Variants in IMPG1 observed in about 807,000 individuals in gnomAD.
IMPG1 encodes the protein interphotoreceptor matrix proteoglycan 1, also known as interphotoreceptor matrix proteoglycan of 150 kDa.
IMPG1 carries 85 observed loss-of-function variants against 92.0 expected under a neutral mutation model. The ratio of observed to expected loss-of-function variants is 0.92; its 90% confidence interval spans 0.78 to 1.11. The LOEUF (loss-of-function observed/expected upper bound fraction) is 1.11. IMPG1 is among the 50% of genes least tolerant of loss of function. The pLI is 0.00. For missense variants in IMPG1, 1,022 were observed against 956.0 expected (o/e 1.07, Z -0.91); for synonymous variants, 367 against 334.1 (o/e 1.10, Z -1.08).
intron 15 of IMPG1, among the ~76,000 whole-genome samples, chr6:75,929,180 C>A (rs1468921852): frequency 1.3e-5 from 2 of 151,630 alleles, no homozygotes; most frequent in African/African-American, 2.4e-5. Context: ...TGACAAATTT[C>A]TTTTGAAAAA....
intron 12 of IMPG1, among the ~76,000 whole-genome samples, chr6:75,978,581 C>A (rs919657560): frequency 1.6e-4 from 24 of 152,108 alleles, no homozygotes; most frequent in Non-Finnish European, 5.9e-5. Flanking sequence ...CTTAACATAC[C>A]CCTTTTATTT....
At chr6:75,992,441 C>T (rs1483728916) in intron 12 of IMPG1, among the ~76,000 whole-genome samples, 1 of 152,210 alleles carries the variant, frequency 6.6e-6, no homozygotes, top group East Asian at 1.9e-4. Flanking sequence ...GTGATCCAGA[C>T]TCTTTGACCT....
chr6:75,993,470 GAGAA>G (rs1782847750), intron 12 of IMPG1, among the ~76,000 whole-genome samples: 1 of 151,918 alleles, frequency 6.6e-6, no homozygotes, highest in Non-Finnish European at 1.5e-5. Context: ...AAAGGAGAGA[GAGAA>G]AGAGAGAGAG....
At chr6:76,041,295 A>G (rs932052991) in intron 2 of IMPG1, among the ~76,000 whole-genome samples, 2 of 152,104 alleles carry the variant, frequency 1.3e-5, no homozygotes, top group African/African-American at 2.4e-5. Context: ...TAAAAAGTGG[A>G]CTGTGACTCT....
At chr6:76,063,845 C>A (rs1349583333) in intron 1 of IMPG1, among the ~76,000 whole-genome samples, 1 of 152,186 alleles carries the variant, frequency 6.6e-6, no homozygotes, top group Non-Finnish European at 1.5e-5. Flanking sequence ...GTGCAGTGCA[C>A]CAAGGGAGCA....
chr6:76,067,807 G>T (rs1575855), intron 1 of IMPG1, among the ~76,000 whole-genome samples: 43,097 of 151,892 alleles, frequency 0.28, 6,301 homozygotes, highest in Middle Eastern at 0.33. Flanking sequence ...GTAACAAATC[G>T]AATCCAACAG....
chr6:76,064,691 G>C (rs530156731), intron 1 of IMPG1, among the ~76,000 whole-genome samples: 1 of 152,160 alleles, frequency 6.6e-6, no homozygotes, highest in African/African-American at 2.4e-5. Flanking sequence ...TCAGGCCACT[G>C]TGCATTCCAT....
chr6:75,969,946 T>C (rs1782377315), intron 12 of IMPG1, among the ~76,000 whole-genome samples: 1 of 152,210 alleles, frequency 6.6e-6, no homozygotes, highest in Admixed American at 6.5e-5. Flanking sequence ...ATTTAATTCC[T>C]AAGCCCTGGG....
chr6:76,037,388 G>C (rs1783759721), intron 2 of IMPG1, among the ~76,000 whole-genome samples: 1 of 152,134 alleles, frequency 6.6e-6, no homozygotes, highest in Non-Finnish European at 1.5e-5. Context: ...TGTGCCATCT[G>C]GTTTCTCACA....
At chr6:75,999,095 G>C (rs1218481643) in intron 12 of IMPG1, among the ~76,000 whole-genome samples, 1 of 152,048 alleles carries the variant, frequency 6.6e-6, no homozygotes, top group Non-Finnish European at 1.5e-5. Flanking sequence ...GACCTCAAGG[G>C]ATCTGCCTGC....
intron 1 of IMPG1, among the ~76,000 whole-genome samples, chr6:76,046,350 G>C (rs1224878922): frequency 6.6e-6 from 1 of 151,932 alleles, no homozygotes; most frequent in Non-Finnish European, 1.5e-5. Context: ...TTAAACACTA[G>C]GAAAACAACC....
chr6:75,965,365 CT>C (rs57386883), intron 12 of IMPG1, among the ~76,000 whole-genome samples: 59,449 of 144,986 alleles, frequency 0.41, 12,405 homozygotes, highest in East Asian at 0.59. Flanking sequence ...TTTGTTGTTA[CT>C]TTTTTTTTTT....
chr6:76,044,548 T>C (rs1467128435), intron 1 of IMPG1, among the ~76,000 whole-genome samples: 4 of 152,328 alleles, frequency 2.6e-5, no homozygotes, highest in East Asian at 3.9e-4. Context: ...TACTGCCTAA[T>C]GTTATGCCCT....
rs138717491 is a variant in IMPG1, at chr6:75,960,286, C to A, written c.1292-9192G>T. On this transcript the variant is annotated intron_variant, in intron 12 of 16. Transcript: ENST00000369950. ...CCTGCCTTCTGCATTGATCTTGCTG[C>A]GAGCTTCAGACCAGAGCTGTTCCTA... 4.3e-3 allele frequency among the ~76,000 whole-genome samples: 647 copies of A among 152,206 alleles called. 15 individuals carry two copies. In the East Asian group the frequency reaches 0.054, roughly 13 times the overall value.
chr6:76,000,146 T>C (rs986682125), intron 12 of IMPG1, among the ~76,000 whole-genome samples: 4 of 152,228 alleles, frequency 2.6e-5, no homozygotes, highest in Non-Finnish European at 5.9e-5. Context: ...TTTTCCTCTT[T>C]ACACAGCCTG....
intron 14 of IMPG1, among the ~76,000 whole-genome samples, chr6:75,937,725 T>C (rs1781770582): frequency 6.6e-6 from 1 of 152,220 alleles, no homozygotes; most frequent in South Asian, 2.1e-4. Context: ...TCGAAGGTCT[T>C]ACAAATTATG....
chr6:76,070,478 G>T (rs757838643), intron 1 of IMPG1, among the ~76,000 whole-genome samples: 1 of 151,862 alleles, frequency 6.6e-6, no homozygotes, highest in Non-Finnish European at 1.5e-5. Flanking sequence ...TCTACCCAAA[G>T]GAAAATAAAT....
At chr6:75,976,368 C>T (rs1782532841) in intron 12 of IMPG1, among the ~76,000 whole-genome samples, 2 of 151,986 alleles carry the variant, frequency 1.3e-5, no homozygotes, top group South Asian at 4.2e-4. Flanking sequence ...TTAAGACCAG[C>T]CTGAGCAAAA....
intron 12 of IMPG1, among the ~76,000 whole-genome samples, chr6:75,975,519 C>G: frequency 6.6e-6 from 1 of 152,194 alleles, no homozygotes; most frequent in East Asian, 1.9e-4. Context: ...TTGTCTCTCA[C>G]TGAGCTATTT....
Sources: allele counts gnomAD v4.1 joint callset (sites outside exome capture counted in the v4.1 genomes callset), GRCh38; gene constraint gnomAD v4.1.1; transcripts MANE v1.5; gene names NCBI Gene and HGNC (gene_info 2026-07-23, HGNC 2026-07-21).